The following PPARGC1A variants were observed in gnomAD, a reference collection of about 807,000 sequenced individuals.
PPARGC1A encodes PPARG coactivator 1 alpha.
In PPARGC1A, 25 loss-of-function variants were observed where a neutral mutation model predicts 88.7. The observed-to-expected ratio is 0.28, with a 90% CI of 0.21 to 0.39. PPARGC1A has a LOEUF of 0.39. PPARGC1A is among the 10% of genes least tolerant of loss of function. The pLI, the probability that PPARGC1A is intolerant of heterozygous loss-of-function variation, is 1.00. For synonymous variants in PPARGC1A, 363 were observed against 355.6 expected (o/e 1.02, Z -0.24); for missense variants, 880 against 968.7 (o/e 0.91, Z 1.22).
At chr4:23,965,462 T>C in the PPARGC1A span, among the ~76,000 whole-genome samples, 1 of 152,222 alleles carries the variant, frequency 6.6e-6, no homozygotes, top group African/African-American at 2.4e-5. Flanking sequence ...TAAGTCAGCC[T>C]CTACAAGTTA....
At chr4:24,060,307 A>C in the PPARGC1A span, among the ~76,000 whole-genome samples, 1 of 152,224 alleles carries the variant, frequency 6.6e-6, no homozygotes, top group Non-Finnish European at 1.5e-5. Context: ...GCAAGCCACT[A>C]TGGAGAACAA....
chr4:24,060,582 TAA>T, the PPARGC1A span, among the ~76,000 whole-genome samples: 3 of 152,218 alleles, frequency 2.0e-5, no homozygotes, highest in African/African-American at 7.2e-5. Context: ...CCTTGCATTT[TAA>T]TATTTAAGCC....
At chr4:24,065,601 A>G in the PPARGC1A span, among the ~76,000 whole-genome samples, 1 of 152,148 alleles carries the variant, frequency 6.6e-6, no homozygotes, top group East Asian at 1.9e-4. Flanking sequence ...CTCTGTCTGC[A>G]GAAGTTGTAT....
At chr4:24,359,120 C>G in the PPARGC1A span, among the ~76,000 whole-genome samples, 4 of 152,158 alleles carry the variant, frequency 2.6e-5, no homozygotes, top group Non-Finnish European at 5.9e-5. Flanking sequence ...TTGTGGAGAG[C>G]CTCTCTATGC....
chr4:24,348,339 T>G, the PPARGC1A span, among the ~76,000 whole-genome samples: 1 of 152,246 alleles, frequency 6.6e-6, no homozygotes, highest in African/African-American at 2.4e-5. Context: ...TTCTTATATT[T>G]GGATGTCTAG....
chr4:24,100,699 T>C, the PPARGC1A span, among the ~76,000 whole-genome samples: 1 of 152,194 alleles, frequency 6.6e-6, no homozygotes, highest in South Asian at 2.1e-4. Flanking sequence ...CTAAAATAAA[T>C]TAAACTATGA....
Position 23,801,922 on chromosome 4 carries a change from A to G in PPARGC1A, c.2142-41T>C, listed in dbSNP as rs755491801. The stretch of plus-strand genomic sequence containing the variant: ...AAAAGTTCAAAGCTGGTTAAGAAGT[A>G]TTAGTATATGGGACTGTAACCCTTT... On this transcript the variant is annotated intron_variant, in intron 11 of 12. Coordinates refer to ENST00000264867, the MANE Select transcript of PPARGC1A (RefSeq NM_013261.5). 1.6e-5 allele frequency: 26 copies of G among 1,609,778 alleles called. No homozygotes were observed. The East Asian group carries it at 5.6e-4, about 35-fold the overall frequency.
chr4:23,995,720 AC>A, the PPARGC1A span, among the ~76,000 whole-genome samples: 2,106 of 151,726 alleles, frequency 0.014, 42 homozygotes, highest in African/African-American at 0.048. Context: ...GTCTTCGATG[AC>A]CTCCCAGGGA....
the PPARGC1A span, among the ~76,000 whole-genome samples, chr4:24,192,523 G>A: frequency 9.7e-3 from 1,484 of 152,258 alleles, 31 homozygotes; most frequent in African/African-American, 0.034. Flanking sequence ...GGAAAAGCAA[G>A]ACAAAGAACA....
the PPARGC1A span, among the ~76,000 whole-genome samples, chr4:24,129,560 G>C: frequency 3.3e-5 from 5 of 152,248 alleles, no homozygotes; most frequent in East Asian, 9.6e-4. Flanking sequence ...GTGTAATCTA[G>C]TTCAACCATT....
chr4:24,027,149 C>T, the PPARGC1A span, among the ~76,000 whole-genome samples: 1 of 151,320 alleles, frequency 6.6e-6, no homozygotes, highest in African/African-American at 2.4e-5. Context: ...GCAGGGGAAA[C>T]ATTTTGCCCA....
chr4:24,015,497 T>C, the PPARGC1A span, among the ~76,000 whole-genome samples: 2 of 152,166 alleles, frequency 1.3e-5, no homozygotes, highest in African/African-American at 4.8e-5. Context: ...GCAGCAACAA[T>C]GAAGTCCCAA....
chr4:24,102,784 A>T, the PPARGC1A span, among the ~76,000 whole-genome samples: 1 of 152,178 alleles, frequency 6.6e-6, no homozygotes, highest in Non-Finnish European at 1.5e-5. Flanking sequence ...GGAGGCAAAG[A>T]GTGGGAGGCC....
the PPARGC1A span, among the ~76,000 whole-genome samples, chr4:24,431,125 AAAAAAAAAAAAAAAAAAGAG>A: frequency 2.2e-3 from 3 of 1,390 alleles, no homozygotes; most frequent in Non-Finnish European, 9.9e-3. Context: ...ACTCCATCTC[AAAAAAAAAAAAAAAAAAGAG>A]AAAAAAAAAA....
chr4:24,192,764 AC>A, the PPARGC1A span, among the ~76,000 whole-genome samples: 4 of 152,216 alleles, frequency 2.6e-5, no homozygotes, highest in Non-Finnish European at 5.9e-5. Context: ...GAAAGCATGT[AC>A]TTTTTGCTGT....
the PPARGC1A span, among the ~76,000 whole-genome samples, chr4:23,990,146 A>C: frequency 3.3e-4 from 48 of 147,004 alleles, no homozygotes; most frequent in African/African-American, 1.1e-3. Flanking sequence ...TTATGTATAT[A>C]TAATCCATGG....
chr4:24,114,440 G>C, the PPARGC1A span, among the ~76,000 whole-genome samples: 1 of 152,174 alleles, frequency 6.6e-6, no homozygotes, highest in African/African-American at 2.4e-5. Context: ...GGAAAAAACA[G>C]GGTTTTAACT....
chr4:24,349,186 T>G, the PPARGC1A span, among the ~76,000 whole-genome samples: 14 of 152,192 alleles, frequency 9.2e-5, no homozygotes, highest in Admixed American at 3.3e-4. Flanking sequence ...TACCGGTGCC[T>G]GTTCTGGTGG....
chr4:24,186,705 G>A, the PPARGC1A span, among the ~76,000 whole-genome samples: 1 of 151,972 alleles, frequency 6.6e-6, no homozygotes, highest in East Asian at 1.9e-4. Flanking sequence ...GCCACTTGGA[G>A]CACACGCTCC....
Sources: allele counts gnomAD v4.1 joint callset (sites outside exome capture counted in the v4.1 genomes callset), GRCh38; gene constraint gnomAD v4.1.1; transcripts MANE v1.5; gene names NCBI Gene and HGNC (gene_info 2026-07-23, HGNC 2026-07-21).